The following DPYSL3 variants were observed in gnomAD, a reference collection of about 807,000 sequenced individuals.
DPYSL3 encodes the protein dihydropyrimidinase like 3, also known as dihydropyrimidinase-related protein 3.
DPYSL3 carries 16 observed loss-of-function variants against 66.1 expected under a neutral mutation model. The observed-to-expected ratio is 0.24, with a 90% CI of 0.16 to 0.37. The LOEUF (loss-of-function observed/expected upper bound fraction) is 0.37, where lower values mean the gene tolerates loss of function less well. Ranked by LOEUF, DPYSL3 falls within the 10% of genes least tolerant of loss-of-function variation. The probability of loss-of-function intolerance (pLI) is 1.00; values close to 1 mark genes in which losing one functional copy is unlikely to be tolerated. For missense variants in DPYSL3, 738 were observed against 916.2 expected, an observed-to-expected ratio of 0.81 and a Z score of 2.51; for synonymous variants, 338 against 345.1, an observed-to-expected ratio of 0.98 and a Z score of 0.23.
chr5:147,502,663 G>C (rs1200103031), intron 1 of DPYSL3, among the ~76,000 whole-genome samples: 1 of 136,082 alleles, frequency 7.3e-6, no homozygotes, highest in South Asian at 2.4e-4. Context: ...TGCAACTTCC[G>C]CCTCCCGGGT....
chr5:147,490,738 C>A (rs969474562), intron 1 of DPYSL3, among the ~76,000 whole-genome samples: 9 of 152,132 alleles, frequency 5.9e-5, no homozygotes, highest in African/African-American at 1.9e-4. Flanking sequence ...CACATATACC[C>A]ACACAGAGAC....
At chr5:147,444,148 T>A (rs1752587483) in intron 1 of DPYSL3, among the ~76,000 whole-genome samples, 1 of 152,160 alleles carries the variant, frequency 6.6e-6, no homozygotes, top group South Asian at 2.1e-4. Flanking sequence ...TCCGGAGGGA[T>A]AATTTAAGGT....
chr5:147,391,819 C>A lies in DPYSL3; in HGVS notation c.*2216G>T, dbSNP rs2152012385. The A allele has an allele frequency of 6.6e-6, 1 of 152,196 alleles. No individual in the cohort carries two copies. Among genetic ancestry groups the A allele is most frequent in the Non-Finnish European group, 1.5e-5 (1 of 68,030 alleles). 9.4% of individuals were successfully genotyped at this position (152,196 alleles called of 1,614,324 possible). ...TCCCAAGGGCATTTGGGGGTTGTTCCCAGAGCAAGGAAATCTTGTGCAGAA... is the reference window on the plus strand; with the variant it reads ...TCCCAAGGGCATTTGGGGGTTGTTCACAGAGCAAGGAAATCTTGTGCAGAA... On this transcript the variant is annotated 3_prime_UTR_variant, in exon 14 of 14. Transcript: ENST00000343218.
At chr5:147,501,134 A>G (rs1196194753) in intron 1 of DPYSL3, among the ~76,000 whole-genome samples, 2 of 152,222 alleles carry the variant, frequency 1.3e-5, no homozygotes, top group African/African-American at 4.8e-5. Flanking sequence ...AGCAAGAAAA[A>G]GAAATGAGCT....
rs749216433 is a variant in DPYSL3 at position 147,501,478 on chromosome 5, ATT to A, written c.381+7998_381+7999del. 7.4e-3 allele frequency among the ~76,000 whole-genome samples: 672 copies of A among 91,036 alleles called. 10 individuals are homozygous for A. The highest frequency in any genetic ancestry group is 0.028 in the African/African-American group (634 of 22,494). 59.7% of individuals were successfully genotyped at this position (91,036 alleles called of 152,430 possible). On this transcript the variant is annotated intron_variant, in intron 1 of 13. Coordinates refer to ENST00000343218, the MANE Select transcript of DPYSL3 (RefSeq NM_001197294.2). ...AAACTATGGATTTGTGGTGATAATG[ATT>A]TTTTTTTTTTTTTTTTTTTTTTTTA... is the stretch of plus-strand genomic sequence containing the variant.
At chr5:147,454,051 AG>A (rs1427783756) in intron 1 of DPYSL3, 1 of 148,354 alleles carries the variant, frequency 6.7e-6, no homozygotes, top group Non-Finnish European at 1.5e-5. Context: ...AGGGGGCGCG[AG>A]GGGCTTTTCG....
At position 147,454,770 on chromosome 5, in the gene DPYSL3, C is replaced by T. The variant is rs186925540; in HGVS notation, c.382-29807G>A. Among the ~76,000 whole-genome samples, 102 of 152,240 alleles carry T rather than the reference C, an allele frequency of 6.7e-4. 1 individual carries two copies. Among genetic ancestry groups the T allele is most frequent in the Admixed American group, 7.2e-4 (11 of 15,302 alleles). ...GGTTTATATGTTATTACAAGCAAAACCATGGCCCTTCGGCGATGGAATACA... is the reference window on the plus strand; with the variant it reads ...GGTTTATATGTTATTACAAGCAAAATCATGGCCCTTCGGCGATGGAATACA... On this transcript the variant is annotated intron_variant, in intron 1 of 13. Transcript: ENST00000343218.
chr5:147,506,117 C>T (rs1581222463), intron 1 of DPYSL3, among the ~76,000 whole-genome samples: 1 of 152,220 alleles, frequency 6.6e-6, no homozygotes, highest in South Asian at 2.1e-4. Flanking sequence ...AAAGGTGATA[C>T]TATCAAATCA....
At chr5:147,432,729 T>C (rs1700700276) in intron 1 of DPYSL3, among the ~76,000 whole-genome samples, 2 of 152,216 alleles carry the variant, frequency 1.3e-5, no homozygotes, top group South Asian at 4.1e-4. Context: ...GCATGATATC[T>C]GACACAGCCT....
At chr5:147,458,064 C>T (rs1752877691) in intron 1 of DPYSL3, among the ~76,000 whole-genome samples, 1 of 152,136 alleles carries the variant, frequency 6.6e-6, no homozygotes, top group Admixed American at 6.6e-5. Flanking sequence ...GTATGATTAT[C>T]TGGCAGTGTC....
At chr5:147,413,891 C>T (rs1751910399) in intron 4 of DPYSL3, among the ~76,000 whole-genome samples, 1 of 152,160 alleles carries the variant, frequency 6.6e-6, no homozygotes, top group Non-Finnish European at 1.5e-5. Context: ...TCTTCTGTGC[C>T]TCTTTCTAAA....
chr5:147,415,977 T>C, intron 3 of DPYSL3, 104 bp from the exon 4 acceptor site: 2 of 1,297,702 alleles, frequency 1.5e-6, no homozygotes, highest in East Asian at 2.4e-5. Flanking sequence ...GAATCTCTAT[T>C]TCCTGAGCAT....
Position 147,509,622 on chromosome 5 carries a change from G to T in DPYSL3, c.237C>A (p.Pro79=). ...QGSDRGSGSR[P]GIEGDTPRRG... is the part of the protein sequence containing the mutation. ...TGCGCGGGGTGTCCCCCTCGATCCCGGGCCGACTCCCCGATCCTCGGTCGC... is the reference window on the plus strand; with the variant it reads ...TGCGCGGGGTGTCCCCCTCGATCCCTGGCCGACTCCCCGATCCTCGGTCGC... Residue 79 remains proline, a synonymous_variant, in exon 1 of 14, where the codon CCC becomes CCA. Transcript: ENST00000343218. The surrounding 1 kb of genome is among the most constrained non-coding windows in gnomAD (Gnocchi z 5.3). 6.5e-7 allele frequency: 1 copy of T among 1,535,572 alleles called. No homozygotes were observed. The highest frequency in any genetic ancestry group is 8.7e-7 in the Non-Finnish European group (1 of 1,146,626).
intron 1 of DPYSL3, among the ~76,000 whole-genome samples, chr5:147,441,173 C>T (rs545040106): frequency 1.3e-5 from 2 of 151,634 alleles, no homozygotes; most frequent in South Asian, 2.1e-4. Flanking sequence ...TCTTCACTTT[C>T]TCCCTTTATG....
At chr5:147,394,696 C>A (rs1757919150) in intron 13 of DPYSL3, among the ~76,000 whole-genome samples, 1 of 151,188 alleles carries the variant, frequency 6.6e-6, no homozygotes, top group Non-Finnish European at 1.5e-5. Context: ...AAAAAAAAGG[C>A]AAAAACTTTG....
Position 147,453,609 on chromosome 5 carries a change from G to A in DPYSL3, c.382-28646C>T, listed in dbSNP as rs370710925. Reference sequence around the variant, plus strand: ...ACATGGTGGCGGTGGTGGCTGCAGCGGCTGGCTCCCTCCCTCCTTCTTCTG... The same window carrying A: ...ACATGGTGGCGGTGGTGGCTGCAGCAGCTGGCTCCCTCCCTCCTTCTTCTG... On this transcript the variant is annotated intron_variant, in intron 1 of 13. Coordinates refer to ENST00000343218, the MANE Select transcript of DPYSL3 (RefSeq NM_001197294.2). 4.6e-4 allele frequency: 702 copies of A among 1,529,002 alleles called. 10 individuals carry two copies. Among genetic ancestry groups the A allele is most frequent in the Admixed American group, 2.5e-3 (120 of 48,874 alleles). The allele number at this position is 1,529,002 out of a possible 1,614,324, so 94.7% of individuals were successfully genotyped here. A position where few individuals can be genotyped will look rare whatever the true frequency, so the allele number is the denominator to read the frequency against.
At chr5:147,504,141 G>A (rs11952675) in intron 1 of DPYSL3, among the ~76,000 whole-genome samples, 5,435 of 152,120 alleles carry the variant, frequency 0.036, 329 homozygotes, top group African/African-American at 0.12. Context: ...TCAGGATAAC[G>A]CCCAGTGGAA....
rs976450621 is a variant in DPYSL3, at chr5:147,509,014, C to G, written c.381+464G>C. On this transcript the variant is annotated intron_variant, in intron 1 of 13. Transcript: ENST00000343218. This position sits in a 1 kb window ranked among gnomAD's most constrained non-coding sequence, Gnocchi z 5.3. ...AGACCGCCCCTCCAGTACTTTCATC[C>G]GGGCACTATGGAGATGACCCCCATA... 2.6e-5 allele frequency among the ~76,000 whole-genome samples: 4 copies of G among 152,142 alleles called. No homozygotes were observed. The highest frequency in any genetic ancestry group is 5.9e-5 in the Non-Finnish European group (4 of 68,022).
At chr5:147,496,378 C>A (rs1753508130) in intron 1 of DPYSL3, among the ~76,000 whole-genome samples, 1 of 152,112 alleles carries the variant, frequency 6.6e-6, no homozygotes, top group Non-Finnish European at 1.5e-5. Context: ...GCAATGGCAA[C>A]AAAAGACAAA....
Sources: allele counts gnomAD v4.1 joint callset (sites outside exome capture counted in the v4.1 genomes callset), GRCh38; gene constraint gnomAD v4.1.1; non-coding constraint Gnocchi (gnomAD v3.1); transcripts MANE v1.5; gene names NCBI Gene and HGNC (gene_info 2026-07-23, HGNC 2026-07-21).